The following TDRD1 variants were observed in gnomAD, a reference collection of about 807,000 sequenced individuals.
TDRD1 encodes the protein tudor domain containing 1.
In TDRD1, 37 loss-of-function variants were observed where a neutral mutation model predicts 140.6. The observed-to-expected ratio is 0.26, with a 90% CI of 0.20 to 0.35. The LOEUF (loss-of-function observed/expected upper bound fraction) is 0.35, where lower values mean the gene tolerates loss of function less well. Ranked by LOEUF, TDRD1 falls within the 10% of genes least tolerant of loss-of-function variation. The pLI, the probability that TDRD1 is intolerant of heterozygous loss-of-function variation, is 1.00. For missense variants in TDRD1, 1,243 were observed against 1,393.0 expected (o/e 0.89, Z 1.71); for synonymous variants, 506 against 475.7 (o/e 1.06, Z -0.83).
chr10:114,210,975 C>A lies in TDRD1; in HGVS notation c.1660+8C>A. On this transcript the variant is annotated splice_region_variant and intron_variant, in intron 13 of 25. Coordinates refer to ENST00000251864, the Ensembl canonical transcript of TDRD1. ...GTTGTGCTCAGTTCTCAGGTAAGGACAGAGTATTACTGATTTTTAAAATTT... is the reference window on the plus strand; with the variant it reads ...GTTGTGCTCAGTTCTCAGGTAAGGAAAGAGTATTACTGATTTTTAAAATTT... 2 of 1,579,410 alleles carry A rather than the reference C, an allele frequency of 1.3e-6. No homozygotes were observed. Among genetic ancestry groups the A allele is most frequent in the Non-Finnish European group, 1.7e-6 (2 of 1,161,670 alleles).
At position 114,227,315 on chromosome 10, in the gene TDRD1, G is replaced by T. The variant is rs1255264168; in HGVS notation, c.3403+16G>T. 6.5e-7 allele frequency: 1 copy of T among 1,535,382 alleles called. No individual in the cohort carries two copies. Among genetic ancestry groups the T allele is most frequent in the Non-Finnish European group, 9.0e-7 (1 of 1,109,052 alleles). On this transcript the variant is annotated intron_variant, in intron 23 of 25. Transcript: ENST00000251864. The stretch of plus-strand genomic sequence containing the variant: ...TTAAATACAGGTATTCTTTTCAAGT[G>T]TTATTAATAACAGATGTTAAGTGTG...
Position 114,214,994 on chromosome 10 carries a change from G to A in TDRD1, c.2212+880G>A, listed in dbSNP as rs1031862873. 2.0e-5 allele frequency among the ~76,000 whole-genome samples: 3 copies of A among 151,874 alleles called. No homozygotes were observed. The East Asian group carries it at 5.8e-4, about 29-fold the overall frequency. ...CTGACCTTGTGAATCCACCTGCCTCGGCCTCCCAAAGTGCTGGGATTACAG... is the reference window on the plus strand; with the variant it reads ...CTGACCTTGTGAATCCACCTGCCTCAGCCTCCCAAAGTGCTGGGATTACAG... On this transcript the variant is annotated intron_variant, in intron 16 of 25. Transcript: ENST00000251864.
At chr10:114,220,972 A>G (rs2036107901) in intron 19 of TDRD1, 129 bp downstream of exon 19, 2 of 619,538 alleles carry the variant, frequency 3.2e-6, no homozygotes, top group South Asian at 2.1e-5. Flanking sequence ...TTAGTAGGTT[A>G]ATATTGTATT....
intron 1 of TDRD1, among the ~76,000 whole-genome samples, chr10:114,183,129 CTG>C (rs771053863): frequency 6.6e-6 from 1 of 152,158 alleles, no homozygotes; most frequent in South Asian, 2.1e-4. Context: ...ACAGATATAA[CTG>C]TCTATAGGTA....
At chr10:114,223,462 A>G (rs1241061531) in intron 21 of TDRD1, among the ~76,000 whole-genome samples, 1 of 152,248 alleles carries the variant, frequency 6.6e-6, no homozygotes, top group Non-Finnish European at 1.5e-5. Flanking sequence ...CCCCATCTGG[A>G]TCCCAAACCT....
At chr10:114,228,607 T>C in intron 25 of TDRD1, 1 of 985,402 alleles carries the variant, frequency 1.0e-6, no homozygotes, top group Non-Finnish European at 1.2e-6. Context: ...ACTGAGGGTA[T>C]TTTTCATTTA....
At chr10:114,220,771 C>G (rs961745402) in exon 19 of TDRD1, 16 of 1,610,852 alleles carry the variant, frequency 9.9e-6, no homozygotes, top group Non-Finnish European at 1.3e-5. Flanking sequence ...ATCTGCTTCA[C>G]CACATAAAGA....
At chr10:114,181,213 G>C (rs1488049316) in intron 1 of TDRD1, among the ~76,000 whole-genome samples, 1 of 152,154 alleles carries the variant, frequency 6.6e-6, no homozygotes, top group Non-Finnish European at 1.5e-5. Context: ...GAAATGTTGA[G>C]ACCCTTCTAG....
At chr10:114,222,835 G>A (rs373759250) in intron 21 of TDRD1, 132 bp downstream of exon 21, 73 of 574,652 alleles carry the variant, frequency 1.3e-4, no homozygotes, top group Middle Eastern at 2.7e-4. Flanking sequence ...GGAAGGCAGT[G>A]TTGTGGATTT....
At chr10:114,209,078 C>A (rs893494553) in intron 11 of TDRD1, among the ~76,000 whole-genome samples, 20 of 152,032 alleles carry the variant, frequency 1.3e-4, no homozygotes, top group African/African-American at 4.8e-4. Context: ...CACACCTGGC[C>A]AGATATAATT....
At chr10:114,175,622 T>G (rs2032677445), upstream of TDRD1, among the ~76,000 whole-genome samples, 1 of 152,176 alleles carries the variant, frequency 6.6e-6, no homozygotes, top group Non-Finnish European at 1.5e-5. Context: ...AAGTGCTGAT[T>G]CCCAGTAGGG....
At chr10:114,209,462 C>T (rs1453836436) in intron 11 of TDRD1, among the ~76,000 whole-genome samples, 1 of 152,148 alleles carries the variant, frequency 6.6e-6, no homozygotes, top group Non-Finnish European at 1.5e-5. Flanking sequence ...GTTCATTTTC[C>T]TTGCTATTAA....
chr10:114,200,706 A>G (rs528745009), intron 4 of TDRD1, among the ~76,000 whole-genome samples: 2 of 152,016 alleles, frequency 1.3e-5, no homozygotes, highest in South Asian at 4.2e-4. Flanking sequence ...GTATTTTTGT[A>G]GAGACGGGGT....
intron 1 of TDRD1, among the ~76,000 whole-genome samples, chr10:114,182,541 T>C (rs1461210930): frequency 6.6e-6 from 1 of 152,234 alleles, no homozygotes; most frequent in Non-Finnish European, 1.5e-5. Flanking sequence ...AGTTTTGTTA[T>C]TAAATTTCAG....
chr10:114,219,366 AT>A (rs1278422607), intron 18 of TDRD1, among the ~76,000 whole-genome samples: 1 of 152,172 alleles, frequency 6.6e-6, no homozygotes, highest in Admixed American at 6.5e-5. Flanking sequence ...AGTGCTTGGC[AT>A]TATACCTATA....
At position 114,214,132 on chromosome 10, in the gene TDRD1, A is replaced by G. The variant is rs772069229; in HGVS notation, c.2212+18A>G. 5 of 1,610,330 alleles carry G rather than the reference A, an allele frequency of 3.1e-6. No individual in the cohort carries two copies. In the South Asian group the frequency reaches 5.5e-5, roughly 18 times the overall value. Reference sequence around the variant, plus strand: ...AGAGGATGGTAAGTTGATTCTTGTCATTTGTTTCTTTTTACAAATACATTG... The same window carrying G: ...AGAGGATGGTAAGTTGATTCTTGTCGTTTGTTTCTTTTTACAAATACATTG... On this transcript the variant is annotated intron_variant, in intron 16 of 25. Transcript: ENST00000251864.
intron 3 of TDRD1, among the ~76,000 whole-genome samples, chr10:114,192,041 T>G (rs1319586997): frequency 6.6e-6 from 1 of 150,448 alleles, no homozygotes; most frequent in Non-Finnish European, 1.5e-5. Context: ...TCATGTCTTT[T>G]GTCTATTTTC....
At chr10:114,231,562 C>T (rs542816201) in exon 26 of TDRD1, 1 of 1,481,690 alleles carries the variant, frequency 6.7e-7, no homozygotes, top group South Asian at 1.3e-5. Context: ...AAGTACAGCA[C>T]CTGGTGTTTT....
intron 5 of TDRD1, 102 bp from the exon 6 acceptor site, chr10:114,202,136 C>A: frequency 1.1e-6 from 1 of 882,610 alleles, no homozygotes; most frequent in South Asian, 2.0e-5. Context: ...CTGTTTTGCT[C>A]TTTCAGGATT....
Sources: gnomAD v4.1 joint callset for allele counts (sites outside exome capture counted in the v4.1 genomes callset) on GRCh38, gnomAD v4.1.1 for gene constraint, MANE v1.5 for transcripts, NCBI Gene and HGNC (gene_info 2026-07-23, HGNC 2026-07-21) for gene names.